Variants in LMLN observed in about 807,000 individuals in gnomAD.
LMLN encodes leishmanolysin-like peptidase.
LMLN carries 70 observed loss-of-function variants against 92.3 expected under a neutral mutation model. The observed-to-expected ratio is 0.76, with a 90% confidence interval of 0.63 to 0.92. The LOEUF (loss-of-function observed/expected upper bound fraction) is 0.92. Among genes scored for constraint, LMLN ranks in the 40% least tolerant of loss-of-function variants. LMLN has a pLI of 0.00. For missense variants in LMLN, 691 were observed against 814.6 expected (o/e 0.85, Z 1.85); for synonymous variants, 308 against 296.2 (o/e 1.04, Z -0.41).
chr3:197,982,221 TTC>T, intron 6 of LMLN, among the ~76,000 whole-genome samples: 2 of 141,938 alleles, frequency 1.4e-5, no homozygotes, highest in South Asian at 2.1e-4. Flanking sequence ...AGCAGTTACC[TTC>T]TTTTTTTTTT....
At chr3:197,986,030 A>G in intron 8 of LMLN, 140 bp downstream of exon 8, 2 of 595,364 alleles carry the variant, frequency 3.4e-6, no homozygotes, top group Non-Finnish European at 5.9e-6. Context: ...TTAAAACAAA[A>G]TGGGATATAA....
At chr3:198,002,930 T>C in intron 11 of LMLN, 85 bp from the exon 12 acceptor site, 1 of 746,144 alleles carries the variant, frequency 1.3e-6, no homozygotes, top group Non-Finnish European at 2.3e-6. Context: ...CCTAATGTGC[T>C]CATTGTTGAG....
At chr3:198,021,662 T>C in intron 13 of LMLN, 57 bp downstream of exon 14, 1 of 1,480,598 alleles carries the variant, frequency 6.8e-7, no homozygotes, top group Non-Finnish European at 9.3e-7. Flanking sequence ...GTATTAGCAA[T>C]ATAGAATCGT....
intron 1 of LMLN, 39 bp downstream of exon 1, chr3:197,960,479 A>G (rs761094577): frequency 3.2e-6 from 5 of 1,583,814 alleles, no homozygotes; most frequent in South Asian, 2.2e-5. Context: ...TCTCAGGGTA[A>G]AGTCACCCAG....
At chr3:197,978,183 A>G (rs12635959) in intron 5 of LMLN, among the ~76,000 whole-genome samples, 6,451 of 150,710 alleles carry the variant, frequency 0.043, 181 homozygotes, top group East Asian at 0.096. Flanking sequence ...AAATCATCAA[A>G]CATCTGGAAG....
chr3:197,977,369 A>G (rs1560136030), intron 5 of LMLN, among the ~76,000 whole-genome samples: 3 of 152,240 alleles, frequency 2.0e-5, no homozygotes, highest in Non-Finnish European at 4.4e-5. Flanking sequence ...CTGGAAGTAC[A>G]CACGTTAAAT....
exon 16 of LMLN, chr3:198,039,066 T>C (rs1723325127): frequency 5.4e-6 from 1 of 185,240 alleles, no homozygotes; most frequent in Non-Finnish European, 1.1e-5. Context: ...CCAACCACTT[T>C]CATCAGCAAC....
intron 11 of LMLN, among the ~76,000 whole-genome samples, chr3:198,015,818 A>T (rs1246465928): frequency 6.6e-6 from 1 of 152,206 alleles, no homozygotes; most frequent in African/African-American, 2.4e-5. Flanking sequence ...AGTTGTACTT[A>T]GAAGGGGGAA....
chr3:197,988,189 G>T (rs1267090884), intron 8 of LMLN, among the ~76,000 whole-genome samples: 2 of 146,806 alleles, frequency 1.4e-5, no homozygotes, highest in Non-Finnish European at 3.0e-5. Context: ...TCACTATATT[G>T]CCCAGGTGGG....
At chr3:197,992,872 C>G in intron 9 of LMLN, among the ~76,000 whole-genome samples, 1 of 151,946 alleles carries the variant, frequency 6.6e-6, no homozygotes, top group East Asian at 1.9e-4. Flanking sequence ...AGCATAAGTA[C>G]AAAAATTTTC....
chr3:197,973,317 C>T lies in LMLN; in HGVS notation c.220-1060C>T, dbSNP rs1301814890. On this transcript the variant is annotated intron_variant, in intron 1 of 15. Transcript: ENST00000330198. ...AGTGCAGTGACAAAATCTCGGCTCA[C>T]TGCAAGCTCCACCTCCTGGGTTCTA... Among the ~76,000 whole-genome samples, 4 of 151,770 alleles carry T rather than the reference C, an allele frequency of 2.6e-5. No homozygotes were observed. The East Asian group carries it at 7.7e-4, about 29-fold the overall frequency.
At chr3:197,964,246 G>A (rs1720984384) in intron 1 of LMLN, among the ~76,000 whole-genome samples, 2 of 151,898 alleles carry the variant, frequency 1.3e-5, no homozygotes, top group Admixed American at 6.6e-5. Flanking sequence ...ATTGTTAGGC[G>A]GAAACTTAGA....
At chr3:197,994,475 C>A (rs1721962938) in intron 9 of LMLN, 1 of 152,072 alleles carries the variant, frequency 6.6e-6, no homozygotes, top group Non-Finnish European at 1.5e-5. Flanking sequence ...CAAAAGAAGA[C>A]ATGCAAATTG....
At chr3:197,968,659 CCGTT>C (rs917861134) in intron 1 of LMLN, among the ~76,000 whole-genome samples, 2 of 152,172 alleles carry the variant, frequency 1.3e-5, no homozygotes, top group African/African-American at 4.8e-5. Context: ...GCCGGTCCCT[CCGTT>C]CAGGGTCCCT....
chr3:197,991,046 CAAAG>C (rs771507812), intron 9 of LMLN, among the ~76,000 whole-genome samples: 1 of 151,284 alleles, frequency 6.6e-6, no homozygotes, highest in Non-Finnish European at 1.5e-5. Context: ...TCTGTATACA[CAAAG>C]AAAGAATACG....
At chr3:197,967,506 A>T (rs750210190) in intron 1 of LMLN, among the ~76,000 whole-genome samples, 1 of 152,212 alleles carries the variant, frequency 6.6e-6, no homozygotes, top group Admixed American at 6.5e-5. Flanking sequence ...GAGAACAAAG[A>T]TCACATGCTT....
intron 12 of LMLN, 102 bp from the exon 14 acceptor site, chr3:198,021,344 T>C (rs1722776727): frequency 2.2e-6 from 2 of 913,848 alleles, no homozygotes; most frequent in Non-Finnish European, 3.5e-6. Flanking sequence ...TAGTATCTTG[T>C]GTTATGTGGC....
intron 14 of LMLN, among the ~76,000 whole-genome samples, chr3:198,034,679 T>G (rs886452915): frequency 1.3e-5 from 2 of 152,204 alleles, no homozygotes; most frequent in Non-Finnish European, 2.9e-5. Context: ...AGCATTAATG[T>G]GTTTTCTTTT....
At chr3:197,993,139 A>G (rs575499191) in intron 9 of LMLN, among the ~76,000 whole-genome samples, 80 of 150,854 alleles carry the variant, frequency 5.3e-4, no homozygotes, top group African/African-American at 2.0e-3. Flanking sequence ...ACCTCAGCAC[A>G]ATAAAGGCCA....
Sources: allele counts gnomAD v4.1 joint callset (sites outside exome capture counted in the v4.1 genomes callset), GRCh38; gene constraint gnomAD v4.1.1; transcripts MANE v1.5; gene names NCBI Gene and HGNC (gene_info 2026-07-23, HGNC 2026-07-21).